Variants in CADPS2 observed in about 807,000 individuals in gnomAD.
The protein encoded by CADPS2 is calcium-dependent secretion activator 2.
CADPS2 carries 93 observed loss-of-function variants against 172.5 expected under a neutral mutation model. The observed-to-expected ratio is 0.54, with a 90% CI of 0.46 to 0.64. The LOEUF (loss-of-function observed/expected upper bound fraction) is 0.64. Ranked by LOEUF, CADPS2 falls within the 30% of genes least tolerant of loss-of-function variation. The pLI is 0.00. For missense variants in CADPS2, 1,420 were observed against 1,565.9 expected, an observed-to-expected ratio of 0.91 and a Z score of 1.57; for synonymous variants, 546 against 555.2, an observed-to-expected ratio of 0.98 and a Z score of 0.23.
intron 2 of CADPS2, chr7:122,702,548 AGAG>A (rs2086321027): frequency 6.2e-7 from 1 of 1,613,606 alleles, no homozygotes; most frequent in East Asian, 2.2e-5. Flanking sequence ...CACCCTTTCC[AGAG>A]GAGAATGATT....
chr7:122,690,848 C>T (rs1335109622), intron 2 of CADPS2, among the ~76,000 whole-genome samples: 1 of 152,172 alleles, frequency 6.6e-6, no homozygotes, highest in Non-Finnish European at 1.5e-5. Flanking sequence ...GGTATCAAAC[C>T]ATATAGTGTC....
chr7:122,684,436 CAT>C (rs34176184), intron 2 of CADPS2, among the ~76,000 whole-genome samples: 17 of 151,152 alleles, frequency 1.1e-4, no homozygotes, highest in Admixed American at 3.3e-4. Flanking sequence ...TTGTAGTAAG[CAT>C]ATATATATAT....
chr7:122,524,397 T>C (rs1205532125), intron 8 of CADPS2, among the ~76,000 whole-genome samples: 1 of 152,158 alleles, frequency 6.6e-6, no homozygotes, highest in African/African-American at 2.4e-5. Flanking sequence ...AAAATGCCCA[T>C]TCTATAAACT....
chr7:122,604,589 T>C (rs534437439), intron 6 of CADPS2, among the ~76,000 whole-genome samples: 1 of 152,134 alleles, frequency 6.6e-6, no homozygotes. Flanking sequence ...GTCTTTAGAG[T>C]TCAGGACTTA....
At chr7:122,824,799 A>G (rs1804413439) in intron 1 of CADPS2, among the ~76,000 whole-genome samples, 1 of 152,068 alleles carries the variant, frequency 6.6e-6, no homozygotes, top group African/African-American at 2.4e-5. Context: ...GCATGATTTT[A>G]TTTTTTATAT....
intron 3 of CADPS2, among the ~76,000 whole-genome samples, chr7:122,652,314 G>T (rs951573281): frequency 1.3e-5 from 2 of 151,920 alleles, no homozygotes; most frequent in Admixed American, 6.6e-5. Flanking sequence ...TGAACATACT[G>T]CATTACCTTA....
intron 1 of CADPS2, among the ~76,000 whole-genome samples, chr7:122,751,039 A>G (rs938081177): frequency 4.6e-5 from 7 of 152,170 alleles, no homozygotes; most frequent in African/African-American, 1.7e-4. Context: ...TAAAACTCAA[A>G]CCGATTTTTA....
intron 11 of CADPS2, among the ~76,000 whole-genome samples, chr7:122,489,345 G>C (rs980822129): frequency 1.3e-5 from 2 of 152,008 alleles, no homozygotes; most frequent in Non-Finnish European, 2.9e-5. Flanking sequence ...AGAATCTCAA[G>C]AATAAAAAGC....
Position 122,327,658 on chromosome 7 carries a change from G to C in CADPS2, c.3613-2077C>G, listed in dbSNP as rs977305873. 5.3e-5 allele frequency among the ~76,000 whole-genome samples: 8 copies of C among 151,402 alleles called. No individual in the cohort carries two copies. The East Asian group carries it at 1.4e-3, about 26-fold the overall frequency. ...TTCATTTTTCCATTATATATAAAAT[G>C]GTACTTATAATTAAGTGATAATTGA... On this transcript the variant is annotated intron_variant, in intron 28 of 29. Transcript: ENST00000449022.
rs957120640 is a variant in CADPS2, at chr7:122,554,464, A to G, written c.1475+86T>C. On this transcript the variant is annotated intron_variant, in intron 8 of 29. Coordinates refer to ENST00000449022, the MANE Select transcript of CADPS2 (RefSeq NM_017954.11). ...AAAACTCCATGTGAAAGCCTGCTAT[A>G]CTGGTTCTCTCACTAAACTGACAAA... 11 of 1,290,982 alleles carry G rather than the reference A, an allele frequency of 8.5e-6. No homozygotes were observed. The South Asian group carries it at 1.7e-4, about 20-fold the overall frequency. 80.0% of individuals were successfully genotyped at this position (1,290,982 alleles called of 1,614,324 possible). A position where few individuals can be genotyped will look rare whatever the true frequency, so the allele number is the denominator to read the frequency against.
intron 1 of CADPS2, among the ~76,000 whole-genome samples, chr7:122,827,504 C>A (rs550478582): frequency 6.6e-6 from 1 of 151,426 alleles, no homozygotes; most frequent in Non-Finnish European, 1.5e-5. Context: ...TGGTGGTGCA[C>A]ACATATAATC....
At chr7:122,574,408 C>T (rs935144254) in intron 7 of CADPS2, among the ~76,000 whole-genome samples, 2 of 133,306 alleles carry the variant, frequency 1.5e-5, no homozygotes, top group Non-Finnish European at 3.1e-5. Flanking sequence ...ATTGTGCCAC[C>T]GTACTCCAGC....
intron 2 of CADPS2, among the ~76,000 whole-genome samples, chr7:122,694,551 G>C (rs1443131539): frequency 6.6e-6 from 1 of 152,158 alleles, no homozygotes; most frequent in Non-Finnish European, 1.5e-5. Context: ...TGTGGAGAGA[G>C]GGGTTAGAAG....
chr7:122,531,622 T>C (rs2061762938), intron 8 of CADPS2, among the ~76,000 whole-genome samples: 1 of 152,176 alleles, frequency 6.6e-6, no homozygotes, highest in Non-Finnish European at 1.5e-5. Flanking sequence ...TAATTGTAAA[T>C]GGAGATAACG....
chr7:122,481,215 G>C lies in CADPS2; in HGVS notation c.1853-355C>G, dbSNP rs370764018. Among the ~76,000 whole-genome samples the C allele has an allele frequency of 4.7e-4, 68 of 145,422 alleles. 1 individual carries two copies. The highest frequency in any genetic ancestry group is 1.5e-3 in the African/African-American group (59 of 38,788). Reference sequence around the variant, plus strand: ...GAGTCTTGCTCTGTTGCCCAGGCTGGAGTGCAGTGGTGCGAACGTGGCTCA... The same window carrying C: ...GAGTCTTGCTCTGTTGCCCAGGCTGCAGTGCAGTGGTGCGAACGTGGCTCA... On this transcript the variant is annotated intron_variant, in intron 11 of 29. Coordinates refer to ENST00000449022, the MANE Select transcript of CADPS2 (RefSeq NM_017954.11).
At chr7:122,793,817 T>C (rs1212242168) in intron 1 of CADPS2, among the ~76,000 whole-genome samples, 2 of 152,098 alleles carry the variant, frequency 1.3e-5, no homozygotes, top group Non-Finnish European at 2.9e-5. Context: ...TTGTAAGGCA[T>C]GTCTGGTGGT....
intron 1 of CADPS2, among the ~76,000 whole-genome samples, chr7:122,742,311 C>T (rs13236261): frequency 0.23 from 34,655 of 151,772 alleles, 4,146 homozygotes; most frequent in Middle Eastern, 0.3. Context: ...AGGAGAATCG[C>T]TTGAACCCGA....
intron 2 of CADPS2, among the ~76,000 whole-genome samples, chr7:122,665,065 G>A (rs2081048402): frequency 6.6e-6 from 1 of 151,358 alleles, no homozygotes; most frequent in South Asian, 2.1e-4. Context: ...CTCCCAAAGT[G>A]CTAGGATTAC....
At chr7:122,755,376 T>G (rs538765376) in intron 1 of CADPS2, among the ~76,000 whole-genome samples, 2 of 152,322 alleles carry the variant, frequency 1.3e-5, no homozygotes, top group African/African-American at 4.8e-5. Flanking sequence ...AGTCATGCAA[T>G]GAGTAGCTAA....
Sources: gnomAD v4.1 joint callset for allele counts (sites outside exome capture counted in the v4.1 genomes callset) on GRCh38, gnomAD v4.1.1 for gene constraint, MANE v1.5 for transcripts, NCBI Gene and HGNC (gene_info 2026-07-23, HGNC 2026-07-21) for gene names.